Variants in DNAH6 observed in about 807,000 individuals in gnomAD.
The protein encoded by DNAH6 is dynein axonemal heavy chain 6, also known as axonemal beta dynein heavy chain 6.
DNAH6 carries 340 observed loss-of-function variants against 491.4 expected under a neutral mutation model. The ratio of observed to expected loss-of-function variants is 0.69; its 90% confidence interval spans 0.63 to 0.76. DNAH6 has a LOEUF of 0.76. Among genes scored for constraint, DNAH6 ranks in the 30% least tolerant of loss-of-function variants. DNAH6 has a pLI of 0.00. For synonymous variants in DNAH6, 1,603 were observed against 1,686.1 expected (o/e 0.95, Z 1.21); for missense variants, 4,443 against 4,972.2 (o/e 0.89, Z 3.20).
intron 68 of DNAH6, among the ~76,000 whole-genome samples, chr2:84,795,351 A>T (rs984068483): frequency 2.6e-5 from 4 of 152,138 alleles, no homozygotes; most frequent in Non-Finnish European, 4.4e-5. Flanking sequence ...AATAAATTTA[A>T]TCTGTTTAGT....
chr2:84,668,060 G>T (rs1401983664), intron 37 of DNAH6, among the ~76,000 whole-genome samples: 1 of 152,046 alleles, frequency 6.6e-6, no homozygotes, highest in African/African-American at 2.4e-5. Flanking sequence ...TGGACACAGG[G>T]TGGGGAACAT....
chr2:84,819,221 G>GTCTT (rs1680795164), intron 76 of DNAH6, 84 bp from the exon 77 acceptor site: 1 of 971,406 alleles, frequency 1.0e-6, no homozygotes, highest in Non-Finnish European at 1.5e-6. Flanking sequence ...GAACCCAGAT[G>GTCTT]TCTTGACTCT....
chr2:84,658,585 A>G, intron 36 of DNAH6, 111 bp downstream of exon 36: 1 of 755,026 alleles, frequency 1.3e-6, no homozygotes, highest in Non-Finnish European at 2.0e-6. Context: ...TTTTAAGTTA[A>G]TTTTTCAGGG....
Position 84,654,750 on chromosome 2 carries a change from G to A in DNAH6, c.5725G>A (p.Val1909Ile). Residue 1909 changes from valine to isoleucine, a missense_variant, in exon 35 of 77, where the codon GTT becomes ATT. Val to Ile is a conservative substitution (Grantham distance 29). Transcript: ENST00000389394. ...TGAAGAACTGAAATGGATGCCTTAT[G>A]TTAAAACTTGGATGAAGGGTATTTC... ...DPEELKWMPY[V>I]KTWMKGISKK... The A allele has an allele frequency of 6.4e-7, 1 of 1,551,158 alleles. No individual in the cohort carries two copies. Among genetic ancestry groups the A allele is most frequent in the South Asian group, 1.2e-5 (1 of 84,030 alleles).
chr2:84,685,273 G>A (rs186594341), intron 42 of DNAH6, 53 bp from the exon 43 acceptor site: 26 of 1,278,606 alleles, frequency 2.0e-5, no homozygotes, highest in Non-Finnish European at 2.6e-5. Flanking sequence ...TATTACTGGA[G>A]ATTCTACAAA....
intron 29 of DNAH6, among the ~76,000 whole-genome samples, chr2:84,630,655 G>A (rs1688315774): frequency 6.6e-6 from 1 of 152,194 alleles, no homozygotes; most frequent in Non-Finnish European, 1.5e-5. Flanking sequence ...TTTGTACCTT[G>A]CTTGTATCTT....
At chr2:84,557,027 C>T (rs916917637) in intron 10 of DNAH6, among the ~76,000 whole-genome samples, 1 of 152,172 alleles carries the variant, frequency 6.6e-6, no homozygotes, top group Admixed American at 6.5e-5. Flanking sequence ...GCACATAAAT[C>T]TTTGTTTACA....
Position 84,599,207 on chromosome 2 carries a change from T to C in DNAH6, c.2868+3418T>C, listed in dbSNP as rs188973400. 2.0e-3 allele frequency among the ~76,000 whole-genome samples: 301 copies of C among 149,184 alleles called. 12 individuals carry two copies. The Admixed American group carries it at 0.02, about 10-fold the overall frequency. On this transcript the variant is annotated intron_variant, in intron 18 of 76. Transcript: ENST00000389394. ...GGTTATAATTGAGTTTTAAGAGTTA[T>C]TCATATATTCTGCATAAAAGTTTTT...
At chr2:84,684,585 C>G (rs1023643749) in intron 42 of DNAH6, among the ~76,000 whole-genome samples, 1 of 152,200 alleles carries the variant, frequency 6.6e-6, no homozygotes, top group African/African-American at 2.4e-5. Context: ...GCATCATTAT[C>G]TATAGAAATA....
chr2:84,581,499 G>T (rs1056564270), intron 14 of DNAH6, among the ~76,000 whole-genome samples: 1 of 152,178 alleles, frequency 6.6e-6, no homozygotes, highest in Non-Finnish European at 1.5e-5. Context: ...ATAAGATACT[G>T]TTGTAACACT....
chr2:84,624,997 A>C lies in DNAH6; in HGVS notation c.4449A>C (p.Lys1483Asn), dbSNP rs771639616. 23 of 1,551,526 alleles carry C rather than the reference A, an allele frequency of 1.5e-5. No individual in the cohort carries two copies. Among genetic ancestry groups the C allele is most frequent in the Non-Finnish European group, 1.9e-5 (22 of 1,146,928 alleles). ...PAGTGKTETT[K>N]DLAKALAIQC... ...GCACTGGGAAAACAGAGACTACCAA[A>C]GATCTGGCAAAAGCTCTTGCCATCC... is the stretch of plus-strand genomic sequence containing the variant. Residue 1483 changes from lysine (K) to asparagine (N), a missense_variant, in exon 29 of 77, where the codon AAA becomes AAC. Around this residue, in one of 3 missense-constraint regions of DNAH6, gnomAD observed 2,977 missense variants for 3,296.6 expected, o/e 0.90. Transcript: ENST00000389394.
chr2:84,648,855 A>G (rs1161803503), intron 33 of DNAH6, among the ~76,000 whole-genome samples: 1 of 152,250 alleles, frequency 6.6e-6, no homozygotes, highest in Non-Finnish European at 1.5e-5. Context: ...ACTGACTTCA[A>G]TTTTGAAAGA....
chr2:84,674,068 G>C (rs576395109), intron 40 of DNAH6, among the ~76,000 whole-genome samples: 81 of 152,254 alleles, frequency 5.3e-4, no homozygotes, highest in Middle Eastern at 3.4e-3. Context: ...CCCTTGACAA[G>C]AAAAGGGCGG....
intron 29 of DNAH6, among the ~76,000 whole-genome samples, chr2:84,625,457 T>C (rs760695829): frequency 6.6e-6 from 1 of 152,166 alleles, no homozygotes; most frequent in South Asian, 2.1e-4. Flanking sequence ...TGAGAATTCA[T>C]GGTAAGGTTT....
At chr2:84,570,505 C>T (rs1044817175) in intron 11 of DNAH6, among the ~76,000 whole-genome samples, 6 of 149,086 alleles carry the variant, frequency 4.0e-5, no homozygotes, top group African/African-American at 7.4e-5. Context: ...GTCTAGCTAA[C>T]GGATTATAAA....
intron 19 of DNAH6, among the ~76,000 whole-genome samples, chr2:84,605,213 C>A (rs7573414): frequency 1.3e-5 from 2 of 150,374 alleles, no homozygotes; most frequent in African/African-American, 5.0e-5. Flanking sequence ...ATTAGCCAGG[C>A]GTGGTGGCAA....
Position 84,653,458 on chromosome 2 carries a change from T to C in DNAH6, c.5218T>C (p.Tyr1740His). The change falls in exon 34 of 77, where the codon TAT (tyrosine) becomes CAT (histidine). Residue 1740 changes from tyrosine to histidine, a missense_variant. Physicochemically the swap from Tyr to His is moderately conservative, Grantham distance 83 (BLOSUM62 2). Transcript: ENST00000389394. The stretch of plus-strand genomic sequence containing the variant: ...TATGGTTAGAAAGGTGATACAGTTT[T>C]ATGAAACTATGCTAGTAAGGCATGG... ...MCMVRKVIQFYETMLVRHGVM... is the reference protein window; with the variant it reads ...MCMVRKVIQFHETMLVRHGVM... 5 of 1,551,246 alleles carry C rather than the reference T, an allele frequency of 3.2e-6. No homozygotes were observed. The highest frequency in any genetic ancestry group is 4.4e-6 in the Non-Finnish European group (5 of 1,146,674).
At chr2:84,564,341 T>C (rs1262187755) in intron 11 of DNAH6, among the ~76,000 whole-genome samples, 1 of 152,336 alleles carries the variant, frequency 6.6e-6, no homozygotes, top group African/African-American at 2.4e-5. Context: ...TGGAATCTTT[T>C]TCCATCTCTG....
At chr2:84,715,791 C>T (rs1391015787) in intron 58 of DNAH6, among the ~76,000 whole-genome samples, 164 bp downstream of exon 58, 8 of 152,146 alleles carry the variant, frequency 5.3e-5, no homozygotes, top group African/African-American at 1.9e-4. Flanking sequence ...TTTACCATTT[C>T]CATAGCTGTT....
Sources: allele counts gnomAD v4.1 joint callset (sites outside exome capture counted in the v4.1 genomes callset), GRCh38; gene constraint gnomAD v4.1.1; regional missense constraint gnomAD v4.1.1; transcripts MANE v1.5; gene names NCBI Gene and HGNC (gene_info 2026-07-23, HGNC 2026-07-21).